OLFML2B: variants seen among roughly 807,000 people sequenced by gnomAD.
The protein encoded by OLFML2B is olfactomedin like 2B, also known as olfactomedin-like protein 2B.
In OLFML2B, 57 loss-of-function variants were observed where a neutral mutation model predicts 74.9. The ratio of observed to expected loss-of-function variants is 0.76; its 90% CI spans 0.61 to 0.95. The LOEUF (loss-of-function observed/expected upper bound fraction) is 0.95. Ranked by LOEUF, OLFML2B falls within the 40% of genes least tolerant of loss-of-function variation. OLFML2B has a pLI of 0.00. For synonymous variants in OLFML2B, 388 were observed against 405.8 expected (o/e 0.96, Z 0.53); for missense variants, 986 against 970.6 (o/e 1.02, Z -0.21).
chr1:161,999,835 G>C (rs1438972539), intron 5 of OLFML2B, among the ~76,000 whole-genome samples: 1 of 152,178 alleles, frequency 6.6e-6, no homozygotes, highest in Non-Finnish European at 1.5e-5. Flanking sequence ...ATCTGCAAAT[G>C]GGGAGGACTG....
chr1:161,997,866 G>A lies in OLFML2B; in HGVS notation c.1433C>T (p.Thr478Met), dbSNP rs1203402964. The change falls in exon 6 of 8, where the codon ACG (threonine) becomes ATG (methionine). Residue 478 changes from threonine to methionine, a missense_variant. Physicochemically the swap from Thr to Met is moderately conservative, Grantham distance 81. Coordinates refer to ENST00000294794, the MANE Select transcript of OLFML2B (RefSeq NM_015441.3). ...GTCATCTTCTTCTTCGGGGCTCAGC[G>A]TGGGGCTGGCAGGGGTTGTTCCCCA... ...AGWGTTPASP[T>M]LSPEEEDDIR... 6.2e-6 allele frequency: 10 copies of A among 1,614,116 alleles called. No homozygotes were observed. Among genetic ancestry groups the A allele is most frequent in the South Asian group, 1.1e-5 (1 of 91,074 alleles).
At chr1:161,989,914 G>A (rs771339714) in intron 6 of OLFML2B, among the ~76,000 whole-genome samples, 16 of 152,216 alleles carry the variant, frequency 1.1e-4, no homozygotes, top group South Asian at 4.1e-4. Flanking sequence ...ATCGTGCTCC[G>A]AAAGCAGGAA....
chr1:162,000,385 G>C (rs754181828), intron 4 of OLFML2B, 47 bp from the exon 5 acceptor site: 7 of 1,537,222 alleles, frequency 4.6e-6, no homozygotes, highest in Non-Finnish European at 6.2e-6. Flanking sequence ...ACTGGTCAGA[G>C]AGGCAGTGGG....
intron 3 of OLFML2B, among the ~76,000 whole-genome samples, chr1:162,008,051 C>T (rs926346240): frequency 2.6e-5 from 4 of 152,158 alleles, no homozygotes; most frequent in African/African-American, 9.7e-5. Context: ...ATCTATCAGG[C>T]CGTCAAGTGT....
At chr1:161,989,787 AT>A (rs1689685331) in intron 6 of OLFML2B, among the ~76,000 whole-genome samples, 1 of 152,202 alleles carries the variant, frequency 6.6e-6, no homozygotes, top group Non-Finnish European at 1.5e-5. Context: ...AGGGTTTGCT[AT>A]GCCCAATGAG....
intron 6 of OLFML2B, among the ~76,000 whole-genome samples, chr1:161,994,554 C>G (rs1338544292): frequency 6.6e-6 from 1 of 152,214 alleles, no homozygotes; most frequent in Admixed American, 6.5e-5. Context: ...TTGCTAAAGT[C>G]TGGGAATCTG....
chr1:162,001,549 C>T (rs1224989766), intron 4 of OLFML2B, among the ~76,000 whole-genome samples: 1 of 152,220 alleles, frequency 6.6e-6, no homozygotes, highest in Non-Finnish European at 1.5e-5. Context: ...CAGCCCTGGA[C>T]TGCCTGCCTC....
rs1690806001 is a variant in OLFML2B, at chr1:162,023,660, G to A, written c.-230C>T. On this transcript the variant is annotated 5_prime_UTR_variant, in exon 1 of 8. Coordinates refer to ENST00000294794, the MANE Select transcript of OLFML2B (RefSeq NM_015441.3). The stretch of plus-strand genomic sequence containing the variant: ...GACTGTGCAGCCCCAGTGGAGAGCC[G>A]GACGCAAGGAAGAGGGGATGACGGA... 2.9e-6 allele frequency: 1 copy of A among 349,614 alleles called. No homozygotes were observed. The highest frequency in any genetic ancestry group is 4.4e-5 in the East Asian group (1 of 22,822). 21.7% of individuals were successfully genotyped at this position (349,614 alleles called of 1,614,324 possible).
rs1321923590 is a variant in OLFML2B, at chr1:161,983,967, G to A, written c.1961C>T (p.Ala654Val). 6.2e-6 allele frequency: 10 copies of A among 1,614,202 alleles called. No individual in the cohort carries two copies. Among genetic ancestry groups the A allele is most frequent in the East Asian group, 2.2e-5 (1 of 44,886 alleles). ...GGTCTCCTTCTGTGTGCTCAGGTCC[G>A]CGGCATTGAGCTTGCTCAGGACAAT... ...EVIVLSKLNAADLSTQKETTW... is the reference protein window; with the variant it reads ...EVIVLSKLNAVDLSTQKETTW... Residue 654 changes from alanine (A) to valine (V), a missense_variant, in exon 8 of 8, where the codon GCG (alanine) becomes GTG (valine). Physicochemically the swap from Ala to Val is moderately conservative, Grantham distance 64 (BLOSUM62 0). Transcript: ENST00000294794.
intron 4 of OLFML2B, among the ~76,000 whole-genome samples, 169 bp from the exon 5 acceptor site, chr1:162,000,507 T>C (rs984440588): frequency 3.9e-5 from 6 of 152,190 alleles, no homozygotes; most frequent in Non-Finnish European, 8.8e-5. Flanking sequence ...TAATTTAATC[T>C]TCTCATCAGT....
chr1:162,019,302 G>A (rs1050316058), intron 2 of OLFML2B, among the ~76,000 whole-genome samples: 4 of 152,176 alleles, frequency 2.6e-5, no homozygotes, highest in Non-Finnish European at 5.9e-5. Context: ...TAACTTAAGT[G>A]GGATCACACT....
chr1:162,011,829 C>T (rs772085193), intron 3 of OLFML2B, among the ~76,000 whole-genome samples: 1 of 152,158 alleles, frequency 6.6e-6, no homozygotes, highest in East Asian at 1.9e-4. Context: ...TAAAATAGAG[C>T]CACTCGAGCC....
intron 3 of OLFML2B, among the ~76,000 whole-genome samples, chr1:162,013,021 C>G (rs533297949): frequency 3.9e-5 from 6 of 152,188 alleles, no homozygotes; most frequent in Non-Finnish European, 8.8e-5. Context: ...TTAGGCCTGG[C>G]AGCCTACAAG....
intron 6 of OLFML2B, among the ~76,000 whole-genome samples, chr1:161,987,022 A>C (rs896435257): frequency 1.3e-5 from 2 of 152,210 alleles, no homozygotes; most frequent in African/African-American, 4.8e-5. Flanking sequence ...GTTCCGTCTC[A>C]CACCAAGGCT....
chr1:161,983,451 CA>C lies in OLFML2B; in HGVS notation c.*223del. On this transcript the variant is annotated 3_prime_UTR_variant, in exon 8 of 8. Coordinates refer to ENST00000294794, the MANE Select transcript of OLFML2B (RefSeq NM_015441.3). The stretch of plus-strand genomic sequence containing the variant: ...GGTCAAAAGGAGAAGTTCATTTGCA[CA>C]AAAATATAAACTGGGGAGGATGAGA... The C allele has an allele frequency of 2.4e-6, 1 of 419,424 alleles. No homozygotes were observed. Among genetic ancestry groups the C allele is most frequent in the Admixed American group, 4.1e-5 (1 of 24,366 alleles). 26.0% of individuals were successfully genotyped at this position (419,424 alleles called of 1,614,324 possible).
intron 3 of OLFML2B, among the ~76,000 whole-genome samples, chr1:162,007,148 A>C (rs775808960): frequency 3.9e-5 from 6 of 152,242 alleles, no homozygotes; most frequent in Non-Finnish European, 7.3e-5. Context: ...GCTACATTTC[A>C]TTCAACCAAC....
intron 6 of OLFML2B, among the ~76,000 whole-genome samples, chr1:161,986,912 G>A (rs554530483): frequency 5.9e-4 from 90 of 152,350 alleles, no homozygotes; most frequent in African/African-American, 2.0e-3. Flanking sequence ...GGATTACCAT[G>A]GCCATGCCAC....
At chr1:162,022,295 G>A (rs1690733773) in intron 1 of OLFML2B, among the ~76,000 whole-genome samples, 1 of 117,714 alleles carries the variant, frequency 8.5e-6, no homozygotes, top group African/African-American at 3.4e-5. Flanking sequence ...CTGTCACTCA[G>A]GATGGAGTGC....
rs756750551 is a variant in OLFML2B, at chr1:162,023,366, C to T, written c.65G>A (p.Ser22Asn). ...CTCGCTTGTCCCTGTGAGGACAATG[C>T]TGGACACCCAGGCCGGAACCACAAT... ...ALIVVPAWVS[S>N]IVLTGTSEPP... The change falls in exon 1 of 8, where the codon AGC becomes AAC. Residue 22 changes from serine (S) to asparagine (N), a missense_variant. By Grantham distance (46) the Ser-to-Asn change is conservative (BLOSUM62 1). Coordinates refer to ENST00000294794, the MANE Select transcript of OLFML2B (RefSeq NM_015441.3). The T allele has an allele frequency of 1.9e-6, 3 of 1,606,188 alleles. No homozygotes were observed. In the Admixed American group the frequency reaches 5.1e-5, roughly 27 times the overall value.
Sources: allele counts gnomAD v4.1 joint callset (sites outside exome capture counted in the v4.1 genomes callset), GRCh38; gene constraint gnomAD v4.1.1; transcripts MANE v1.5; gene names NCBI Gene and HGNC (gene_info 2026-07-23, HGNC 2026-07-21).